Variants in SSPN observed in about 807,000 individuals in gnomAD.
The protein encoded by SSPN is K-ras oncogene-associated protein.
SSPN carries 15 observed loss-of-function variants against 19.1 expected under a neutral mutation model. The ratio of observed to expected loss-of-function variants is 0.78; its 90% CI spans 0.52 to 1.21. The LOEUF (loss-of-function observed/expected upper bound fraction) is 1.21. SSPN is among the 50% of genes most tolerant of loss of function. The pLI is 0.00. For missense variants in SSPN, 291 were observed against 314.0 expected, an observed-to-expected ratio of 0.93 and a Z score of 0.55; for synonymous variants, 147 against 140.3, an observed-to-expected ratio of 1.05 and a Z score of -0.34.
chr12:26,162,125 A>AT (rs1452218316), intron 1 of SSPN, among the ~76,000 whole-genome samples: 1 of 152,218 alleles, frequency 6.6e-6, no homozygotes, highest in Non-Finnish European at 1.5e-5. Flanking sequence ...TCTGTGAAAC[A>AT]TATCACTGGC....
intron 1 of SSPN, among the ~76,000 whole-genome samples, chr12:26,144,108 T>C (rs971231183): frequency 2.0e-5 from 3 of 152,214 alleles, no homozygotes; most frequent in African/African-American, 7.2e-5. Context: ...TGTAATGCAC[T>C]TGAATCATCC....
At chr12:26,227,125 G>A (rs1380807836) in intron 2 of SSPN, among the ~76,000 whole-genome samples, 3 of 152,146 alleles carry the variant, frequency 2.0e-5, no homozygotes, top group Non-Finnish European at 2.9e-5. Context: ...CTTCCTTATA[G>A]TGTATTCGTG....
At chr12:26,229,691 G>A (rs1176031309) in intron 2 of SSPN, among the ~76,000 whole-genome samples, 3 of 152,190 alleles carry the variant, frequency 2.0e-5, no homozygotes, top group Non-Finnish European at 4.4e-5. Flanking sequence ...ACTTTTGACT[G>A]TGGTAATGTA....
chr12:26,230,480 C>T (rs1945218226), intron 2 of SSPN, among the ~76,000 whole-genome samples: 1 of 152,130 alleles, frequency 6.6e-6, no homozygotes, highest in South Asian at 2.1e-4. Flanking sequence ...TTGAAAAGGG[C>T]CCAACATCTG....
In SSPN at chr12:26,183,187, A is replaced by ACACACAATT. The variant is rs1378897859; in HGVS notation, c.-30-41103_-30-41095dup. 6.6e-5 allele frequency among the ~76,000 whole-genome samples: 10 copies of ACACACAATT among 152,354 alleles called. 1 individual carries two copies. The highest frequency in any genetic ancestry group is 2.4e-4 in the African/African-American group (10 of 41,588). On this transcript the variant is annotated intron_variant, in intron 1 of 2. Transcript: ENST00000538142. ...AAAAAGAGAAACATGGGTGATTTGG[A>ACACACAATT]CACACAATTCAGAATAAGAACCGCA...
intron 1 of SSPN, among the ~76,000 whole-genome samples, chr12:26,178,170 A>G (rs1944696114): frequency 6.6e-6 from 1 of 152,224 alleles, no homozygotes; most frequent in African/African-American, 2.4e-5. Context: ...CTGAGAAGCA[A>G]CAGAGTGTAG....
exon 1 of SSPN, chr12:26,122,016 A>G (rs923375957): frequency 6.5e-7 from 1 of 1,545,966 alleles, no homozygotes; most frequent in Non-Finnish European, 8.7e-7. Flanking sequence ...CCTTAAGGGT[A>G]TTTTAACTTC....
At chr12:26,122,113 T>A in exon 1 of SSPN, 1 of 1,549,300 alleles carries the variant, frequency 6.5e-7, no homozygotes, top group Non-Finnish European at 8.7e-7. Context: ...TGAGCAGAGC[T>A]CTCCGGGTTC....
chr12:26,171,630 T>C (rs1050537798), intron 1 of SSPN, among the ~76,000 whole-genome samples: 1 of 152,162 alleles, frequency 6.6e-6, no homozygotes, highest in Non-Finnish European at 1.5e-5. Flanking sequence ...CCCTATTTTT[T>C]TTTTTGTCAA....
chr12:26,187,454 C>T (rs1944761088), intron 1 of SSPN, among the ~76,000 whole-genome samples: 1 of 152,088 alleles, frequency 6.6e-6, no homozygotes, highest in Non-Finnish European at 1.5e-5. Context: ...TTTGATACAC[C>T]AGGAATTCAG....
intron 2 of SSPN, among the ~76,000 whole-genome samples, chr12:26,227,843 C>T (rs556742866): frequency 6.6e-6 from 1 of 152,174 alleles, no homozygotes; most frequent in African/African-American, 2.4e-5. Context: ...GAGGGGAGAA[C>T]CTGACTCCCT....
At chr12:26,148,639 C>A (rs996223683) in intron 1 of SSPN, among the ~76,000 whole-genome samples, 2 of 152,110 alleles carry the variant, frequency 1.3e-5, no homozygotes, top group Non-Finnish European at 2.9e-5. Flanking sequence ...GCATGGTTTT[C>A]TAAAACTATG....
In SSPN at chr12:26,195,668, G is replaced by A; in HGVS notation, c.-5G>A. 1 of 130,830 alleles carries A rather than the reference G, an allele frequency of 7.6e-6. No individual in the cohort carries two copies. The highest frequency in any genetic ancestry group is 1.6e-4 in the South Asian group (1 of 6,222). The allele number at this position is 130,830 out of a possible 1,614,324, so 8.1% of individuals were successfully genotyped here. ...ACCCACCCACCCACCCAGCCTCGCA[G>A]CGCCATGGGCAAGAACAAGCAGCCA... is the stretch of plus-strand genomic sequence containing the variant. On this transcript the variant is annotated 5_prime_UTR_variant, in exon 1 of 3. Coordinates refer to ENST00000242729, the MANE Select transcript of SSPN (RefSeq NM_005086.5).
At chr12:26,197,348 C>T (rs1236474501) in intron 1 of SSPN, among the ~76,000 whole-genome samples, 6 of 152,028 alleles carry the variant, frequency 3.9e-5, no homozygotes, top group Admixed American at 3.3e-4. Flanking sequence ...ATGAAATTAC[C>T]ATGATTGGAG....
Position 26,231,136 on chromosome 12 carries a change from A to C in SSPN, c.*60A>C. 1 of 1,428,366 alleles carries C rather than the reference A, an allele frequency of 7.0e-7. No individual in the cohort carries two copies. The highest frequency in any genetic ancestry group is 1.7e-5 in the South Asian group (1 of 58,070). 88.5% of individuals were successfully genotyped at this position (1,428,366 alleles called of 1,614,324 possible). A position where few individuals can be genotyped will look rare whatever the true frequency, so the allele number is the denominator to read the frequency against. ...ATGGAGTAGCTGAGGTTAAACAAAC[A>C]AAAAAAAATTTTAAACAAAGAAAGG... On this transcript the variant is annotated 3_prime_UTR_variant, in exon 3 of 3. Coordinates refer to ENST00000242729, the MANE Select transcript of SSPN (RefSeq NM_005086.5).
At chr12:26,193,874 G>A (rs763945462), upstream of SSPN, among the ~76,000 whole-genome samples, 1 of 152,176 alleles carries the variant, frequency 6.6e-6, no homozygotes, top group African/African-American at 2.4e-5. Flanking sequence ...GAACACCTAA[G>A]TTCATAAAAT....
intron 1 of SSPN, among the ~76,000 whole-genome samples, chr12:26,182,581 C>CTCCTTCCCTT (rs1944725405): frequency 1.0e-5 from 1 of 100,462 alleles, no homozygotes; most frequent in East Asian, 2.6e-4. Flanking sequence ...CCTTCCCCTT[C>CTCCTTCCCTT]CCCTTCCCTT....
At chr12:26,174,552 A>C (rs1944673027) in intron 1 of SSPN, among the ~76,000 whole-genome samples, 1 of 76,496 alleles carries the variant, frequency 1.3e-5, no homozygotes, top group Non-Finnish European at 2.4e-5. Context: ...ACAGAATCTC[A>C]CTCTATTGCC....
chr12:26,223,569 G>T (rs1291747858), intron 1 of SSPN, among the ~76,000 whole-genome samples: 2 of 152,174 alleles, frequency 1.3e-5, no homozygotes, highest in Non-Finnish European at 2.9e-5. Context: ...CATTCTTTGT[G>T]CAGCCCTTCC....
Sources: allele counts gnomAD v4.1 joint callset (sites outside exome capture counted in the v4.1 genomes callset), GRCh38; gene constraint gnomAD v4.1.1; transcripts MANE v1.5; gene names NCBI Gene and HGNC (gene_info 2026-07-23, HGNC 2026-07-21).